The following TENM4 variants were observed in gnomAD, a reference collection of about 807,000 sequenced individuals.
TENM4 encodes teneurin transmembrane protein 4, also known as teneurin-4.
In TENM4, 82 loss-of-function variants were observed where a neutral mutation model predicts 243.3. The ratio of observed to expected loss-of-function variants is 0.34; its 90% CI spans 0.28 to 0.40. The LOEUF (loss-of-function observed/expected upper bound fraction) is 0.40, where lower values mean the gene tolerates loss of function less well. Ranked by LOEUF, TENM4 falls within the 10% of genes least tolerant of loss-of-function variation. The pLI, the probability that TENM4 is intolerant of heterozygous loss-of-function variation, is 1.00. For missense variants in TENM4, 3,138 were observed against 3,673.3 expected (o/e 0.85, Z 3.77); for synonymous variants, 1,412 against 1,456.3 (o/e 0.97, Z 0.69).
intron 2 of TENM4, among the ~76,000 whole-genome samples, chr11:79,277,516 C>T (rs548185956): frequency 4.6e-5 from 7 of 152,282 alleles, no homozygotes; most frequent in Admixed American, 4.6e-4. Flanking sequence ...GTCTTTGTGA[C>T]TCCAAAGCCC....
At chr11:79,059,299 A>G (rs567993934) in intron 6 of TENM4, among the ~76,000 whole-genome samples, 7 of 152,224 alleles carry the variant, frequency 4.6e-5, no homozygotes, top group Non-Finnish European at 1.0e-4. Context: ...GGGTCATGCA[A>G]TTGTCTCTAT....
intron 1 of TENM4, among the ~76,000 whole-genome samples, chr11:79,363,105 A>T (rs1857618839): frequency 6.6e-6 from 1 of 152,252 alleles, no homozygotes; most frequent in Non-Finnish European, 1.5e-5. Context: ...CTTTTAATTA[A>T]ATTAACTGAA....
At chr11:78,717,481 A>G (rs1318758521) in intron 25 of TENM4, among the ~76,000 whole-genome samples, 1 of 152,226 alleles carries the variant, frequency 6.6e-6, no homozygotes, top group Non-Finnish European at 1.5e-5. Flanking sequence ...CAGTTCTACC[A>G]TCCACTTGGC....
intron 4 of TENM4, among the ~76,000 whole-genome samples, chr11:79,101,940 A>G (rs1007268215): frequency 6.6e-5 from 10 of 152,220 alleles, no homozygotes; most frequent in Admixed American, 6.5e-5. Context: ...GAGACTGGAT[A>G]GTGCCAGGGC....
intron 4 of TENM4, among the ~76,000 whole-genome samples, chr11:79,110,317 G>A (rs1414770819): frequency 2.6e-5 from 4 of 152,292 alleles, no homozygotes; most frequent in African/African-American, 4.8e-5. Flanking sequence ...GGTGCTGTTT[G>A]TCTCACACTG....
rs72065276 is a variant in TENM4 at position 79,034,581 on chromosome 11, TAAA to T, written c.493+30154_493+30156del. On this transcript the variant is annotated intron_variant, in intron 6 of 33. Coordinates refer to ENST00000278550, the MANE Select transcript of TENM4 (RefSeq NM_001098816.3). Reference sequence around the variant, plus strand: ...GTAGAAAATATTGTGGAAGTTTAATTAAAAAAAATTTTTTTTTAAATTAGGTAT... The same window carrying T: ...GTAGAAAATATTGTGGAAGTTTAATTAAAAATTTTTTTTTAAATTAGGTAT... Among the ~76,000 whole-genome samples, 883 of 149,686 alleles carry T rather than the reference TAAA, an allele frequency of 5.9e-3. 10 individuals carry two copies. Among genetic ancestry groups the T allele is most frequent in the African/African-American group, 0.02 (804 of 39,650 alleles).
chr11:79,378,689 C>A (rs543223947), intron 1 of TENM4, among the ~76,000 whole-genome samples: 3 of 152,006 alleles, frequency 2.0e-5, no homozygotes, highest in Non-Finnish European at 4.4e-5. Context: ...ACCTTCCCTG[C>A]CTCAGCAGCC....
chr11:79,281,482 G>A (rs2135364578), intron 2 of TENM4, among the ~76,000 whole-genome samples: 1 of 152,298 alleles, frequency 6.6e-6, no homozygotes, highest in Admixed American at 6.5e-5. Flanking sequence ...ACCCTAGGAA[G>A]TAGGCATCAA....
intron 6 of TENM4, among the ~76,000 whole-genome samples, chr11:79,027,649 C>A (rs149522176): frequency 6.6e-6 from 1 of 152,212 alleles, no homozygotes; most frequent in Non-Finnish European, 1.5e-5. Context: ...CAGTCACCTC[C>A]TCTCGAATCC....
At chr11:79,293,368 A>G (rs1298705641) in intron 2 of TENM4, among the ~76,000 whole-genome samples, 2 of 152,046 alleles carry the variant, frequency 1.3e-5, no homozygotes, top group African/African-American at 2.4e-5. Context: ...TTAGCCAGGC[A>G]TGGTGGTATA....
chr11:79,409,401 A>G (rs972939045), intron 1 of TENM4, among the ~76,000 whole-genome samples: 3 of 152,160 alleles, frequency 2.0e-5, no homozygotes, highest in Admixed American at 6.5e-5. Context: ...TCACAGGTTC[A>G]TAAGAGTGAG....
intron 4 of TENM4, among the ~76,000 whole-genome samples, chr11:79,127,855 C>T (rs1861914599): frequency 6.6e-6 from 1 of 152,194 alleles, no homozygotes; most frequent in Non-Finnish European, 1.5e-5. Flanking sequence ...TGGTATGGGG[C>T]CTGTCAAGAT....
At chr11:79,330,772 A>T (rs1432600122) in intron 1 of TENM4, among the ~76,000 whole-genome samples, 1 of 152,190 alleles carries the variant, frequency 6.6e-6, no homozygotes, top group Non-Finnish European at 1.5e-5. Flanking sequence ...AATGTGCCCA[A>T]ACCCATCCAG....
At chr11:79,194,955 G>T (rs560905036) in intron 3 of TENM4, among the ~76,000 whole-genome samples, 12 of 152,282 alleles carry the variant, frequency 7.9e-5, no homozygotes, top group Non-Finnish European at 1.6e-4. Flanking sequence ...TTTGTAGGCT[G>T]GGCCCAAGGT....
At chr11:79,213,890 T>C (rs558863654) in intron 3 of TENM4, among the ~76,000 whole-genome samples, 3 of 152,342 alleles carry the variant, frequency 2.0e-5, no homozygotes, top group Admixed American at 6.5e-5. Flanking sequence ...GAATACCTTA[T>C]GGGGTTGTGG....
At chr11:79,177,450 T>A (rs940644108) in intron 3 of TENM4, among the ~76,000 whole-genome samples, 7 of 151,994 alleles carry the variant, frequency 4.6e-5, no homozygotes, top group Admixed American at 4.6e-4. Flanking sequence ...CCCCTCCATA[T>A]TTGAAGCCTC....
chr11:78,768,983 T>C (rs1035391574), intron 18 of TENM4, among the ~76,000 whole-genome samples: 2 of 152,218 alleles, frequency 1.3e-5, no homozygotes, highest in African/African-American at 2.4e-5. Flanking sequence ...TACGCTTGTA[T>C]GTATACCGGT....
rs1591259192 is a variant in TENM4 at position 79,069,777 on chromosome 11, A to G, written c.168T>C (p.Tyr56=). ...GCACAATGTCCTTGACGCGGCTGCCATAGGCTAGGCGGGCGTCCTGGTCGT... is the reference window on the plus strand; with the variant it reads ...GCACAATGTCCTTGACGCGGCTGCCGTAGGCTAGGCGGGCGTCCTGGTCGT... ...KAYDQDARLA[Y]GSRVKDIVPQ... The change falls in exon 5 of 34, where the codon TAT becomes TAC. Residue 56 remains tyrosine (Y), a synonymous_variant. Transcript: ENST00000278550. The G allele has an allele frequency of 2.6e-6, 4 of 1,551,184 alleles. No homozygotes were observed. Among genetic ancestry groups the G allele is most frequent in the Non-Finnish European group, 3.5e-6 (4 of 1,146,926 alleles).
chr11:79,117,386 T>C (rs546952376), intron 4 of TENM4, among the ~76,000 whole-genome samples: 1 of 152,284 alleles, frequency 6.6e-6, no homozygotes, highest in African/African-American at 2.4e-5. Context: ...CCATCTCATG[T>C]CAAACAATCC....
Sources: allele counts gnomAD v4.1 joint callset (sites outside exome capture counted in the v4.1 genomes callset), GRCh38; gene constraint gnomAD v4.1.1; transcripts MANE v1.5; gene names NCBI Gene and HGNC (gene_info 2026-07-23, HGNC 2026-07-21).